LAPTM4A: variants seen among roughly 807,000 people sequenced by gnomAD.
LAPTM4A encodes the protein lysosomal protein transmembrane 4 alpha, also known as lysosomal-associated transmembrane protein 4A.
In LAPTM4A, 19 loss-of-function variants were observed where a neutral mutation model predicts 29.9. The observed-to-expected ratio is 0.64, with a 90% CI of 0.44 to 0.93. The LOEUF is 0.93. LAPTM4A is among the 40% of genes least tolerant of loss of function. The probability of loss-of-function intolerance (pLI) is 0.00; values close to 1 mark genes in which losing one functional copy is unlikely to be tolerated. For missense variants in LAPTM4A, 293 were observed against 288.5 expected (o/e 1.02, Z -0.11); for synonymous variants, 105 against 102.1 (o/e 1.03, Z -0.17).
At chr2:20,040,311 C>A (rs576683456) in intron 2 of LAPTM4A, among the ~76,000 whole-genome samples, 3 of 152,196 alleles carry the variant, frequency 2.0e-5, no homozygotes, top group African/African-American at 7.2e-5. Flanking sequence ...TAGTCCATTA[C>A]ATTTTCTGGC....
At position 20,051,617 on chromosome 2, in the gene LAPTM4A, C is replaced by G. The variant is rs949447948; in HGVS notation, c.-97G>C. On this transcript the variant is annotated 5_prime_UTR_variant, in exon 1 of 7. Transcript: ENST00000175091. ...CTGTTTCACGGCCTCCAAAACCCAA[C>G]GACGCGTCTTCAAACCCGCCCCCGG... 3 of 774,508 alleles carry G rather than the reference C, an allele frequency of 3.9e-6. No homozygotes were observed. Among genetic ancestry groups the G allele is most frequent in the Non-Finnish European group, 6.4e-6 (3 of 471,086 alleles). 48.0% of individuals were successfully genotyped at this position (774,508 alleles called of 1,614,324 possible).
intron 1 of LAPTM4A, among the ~76,000 whole-genome samples, chr2:20,050,864 T>G (rs1042818065): frequency 6.6e-6 from 1 of 152,194 alleles, no homozygotes; most frequent in Non-Finnish European, 1.5e-5. Context: ...ATTCTGGAGA[T>G]GCAAGAGAGG....
At chr2:20,043,710 ATATT>A (rs1421606841) in intron 1 of LAPTM4A, among the ~76,000 whole-genome samples, 1 of 152,200 alleles carries the variant, frequency 6.6e-6, no homozygotes, top group African/African-American at 2.4e-5. Flanking sequence ...GAATCAACCA[ATATT>A]TATTGAGGAT....
In LAPTM4A at chr2:20,035,041, C is replaced by T. The variant is rs774028205; in HGVS notation, c.454G>A (p.Asp152Asn). 6.2e-7 allele frequency: 1 copy of T among 1,612,178 alleles called. No homozygotes were observed. The highest frequency in any genetic ancestry group is 8.5e-7 in the Non-Finnish European group (1 of 1,178,762). Residue 152 changes from aspartate to asparagine, a missense_variant, in exon 5 of 7, where the codon GAC (aspartate) becomes AAC (asparagine). By Grantham distance (23) the Asp-to-Asn change is conservative. Coordinates refer to ENST00000175091, the MANE Select transcript of LAPTM4A (RefSeq NM_014713.5). The stretch of plus-strand genomic sequence containing the variant: ...CAGCTGGAGTCCAAGGCCAGGAGGT[C>T]ATCTTTGTAGGGAAAATCAGGCTAT... The part of the protein sequence containing the change: ...DQLPDFPYKD[D>N]LLALDSSCLL...
chr2:20,033,961 A>G (rs1002269802), intron 6 of LAPTM4A, among the ~76,000 whole-genome samples: 12 of 152,116 alleles, frequency 7.9e-5, no homozygotes, highest in Non-Finnish European at 1.3e-4. Flanking sequence ...GATCATATGG[A>G]TGTTTTCTGA....
chr2:20,050,203 G>C (rs1301313877), intron 1 of LAPTM4A, among the ~76,000 whole-genome samples: 1 of 152,196 alleles, frequency 6.6e-6, no homozygotes, highest in Admixed American at 6.5e-5. Flanking sequence ...AGGGCAGGTA[G>C]CAGTCATGTG....
At chr2:20,041,145 C>T (rs947070717) in intron 1 of LAPTM4A, 134 bp from the exon 2 acceptor site, 2 of 701,498 alleles carry the variant, frequency 2.9e-6, no homozygotes, top group African/African-American at 3.6e-5. Context: ...GGGAGACTAC[C>T]TGTGAGATAA....
intron 1 of LAPTM4A, among the ~76,000 whole-genome samples, chr2:20,041,300 G>C (rs1292694245): frequency 6.6e-6 from 1 of 152,152 alleles, no homozygotes; most frequent in East Asian, 1.9e-4. Flanking sequence ...AATGGTTCAT[G>C]TTCGAAGCTA....
chr2:20,048,872 C>T (rs1673994931), intron 1 of LAPTM4A, among the ~76,000 whole-genome samples: 1 of 152,172 alleles, frequency 6.6e-6, no homozygotes, highest in Non-Finnish European at 1.5e-5. Flanking sequence ...AAGTATTATA[C>T]TACAGTTTGG....
At chr2:20,039,904 G>A (rs989973742) in intron 2 of LAPTM4A, among the ~76,000 whole-genome samples, 2 of 151,916 alleles carry the variant, frequency 1.3e-5, no homozygotes, top group Admixed American at 6.6e-5. Context: ...AAATTAGCCG[G>A]GTGTGGTGGT....
At chr2:20,033,529 CT>C (rs1180296172) in intron 6 of LAPTM4A, among the ~76,000 whole-genome samples, 1 of 152,088 alleles carries the variant, frequency 6.6e-6, no homozygotes, top group Non-Finnish European at 1.5e-5. Context: ...ACAAGGATTC[CT>C]AGACAGGCAG....
At chr2:20,046,730 T>TAA (rs1268227363) in intron 1 of LAPTM4A, among the ~76,000 whole-genome samples, 7 of 135,474 alleles carry the variant, frequency 5.2e-5, no homozygotes, top group Non-Finnish European at 9.8e-5. Flanking sequence ...ATATTATATA[T>TAA]CTATATATAA....
intron 2 of LAPTM4A, among the ~76,000 whole-genome samples, chr2:20,039,691 AC>A (rs1219455656): frequency 2.6e-5 from 4 of 151,984 alleles, no homozygotes; most frequent in Non-Finnish European, 4.4e-5. Flanking sequence ...TCCAGTTGGG[AC>A]AACAAAGTAA....
In LAPTM4A at chr2:20,051,590, G is replaced by A. The variant is rs1328966556; in HGVS notation, c.-70C>T. 9.7e-7 allele frequency: 1 copy of A among 1,031,902 alleles called. No homozygotes were observed. The highest frequency in any genetic ancestry group is 2.2e-5 in the Admixed American group (1 of 44,830). The allele number at this position is 1,031,902 out of a possible 1,614,324, so 63.9% of individuals were successfully genotyped here. On this transcript the variant is annotated 5_prime_UTR_variant, in exon 1 of 7. Transcript: ENST00000175091. ...TCTCCACCCGCAGCCAAACTCAAAC[G>A]GCTGTTTCACGGCCTCCAAAACCCA...
chr2:20,046,726 T>C (rs1319583159), intron 1 of LAPTM4A, among the ~76,000 whole-genome samples: 5 of 146,156 alleles, frequency 3.4e-5, no homozygotes, highest in South Asian at 2.1e-4. Context: ...TTATATATTA[T>C]ATATCTATAT....
In LAPTM4A at chr2:20,033,113, C is replaced by A. The variant is rs1673599179; in HGVS notation, c.*92G>T. 9.7e-7 allele frequency: 1 copy of A among 1,026,562 alleles called. No individual in the cohort carries two copies. Among genetic ancestry groups the A allele is most frequent in the African/African-American group, 1.6e-5 (1 of 62,402 alleles). The allele number at this position is 1,026,562 out of a possible 1,614,324, so 63.6% of individuals were successfully genotyped here. On this transcript the variant is annotated 3_prime_UTR_variant, in exon 7 of 7. Coordinates refer to ENST00000175091, the MANE Select transcript of LAPTM4A (RefSeq NM_014713.5). The stretch of plus-strand genomic sequence containing the variant: ...AAACAAAAGACAACATATTTTATAT[C>A]AAACAAGTTTGAAGAGCCCTGAATT...
intron 5 of LAPTM4A, 112 bp downstream of exon 5, chr2:20,034,855 C>A: frequency 1.3e-6 from 1 of 749,922 alleles, no homozygotes. Flanking sequence ...AGAATAAACA[C>A]TGTCCCCACA....
chr2:20,040,908 G>A lies in LAPTM4A; in HGVS notation c.215C>T (p.Ser72Leu), dbSNP rs777063556. ...IQYEVIGNYY[S>L]SERMADNACV... ...ACACATACCAGCCATTCTCTCAGAC[G>A]AATAGTAATTACCGATGACTTCATA... The change falls in exon 2 of 7, where the codon TCG (serine) becomes TTG (leucine). Residue 72 changes from serine (S) to leucine (L), a missense_variant. By Grantham distance (145) the Ser-to-Leu change is moderately radical. Transcript: ENST00000175091. The A allele has an allele frequency of 7.4e-6, 12 of 1,613,412 alleles. No homozygotes were observed. The highest frequency in any genetic ancestry group is 4.5e-5 in the East Asian group (2 of 44,878).
intron 4 of LAPTM4A, 36 bp downstream of exon 4, chr2:20,037,280 G>GA (rs746042237): frequency 1.0e-3 from 1,510 of 1,464,332 alleles, no homozygotes; most frequent in Middle Eastern, 2.7e-3. Flanking sequence ...TACTCAAAAT[G>GA]AAAAAAAAAT....
Sources: allele counts gnomAD v4.1 joint callset (sites outside exome capture counted in the v4.1 genomes callset), GRCh38; gene constraint gnomAD v4.1.1; transcripts MANE v1.5; gene names NCBI Gene and HGNC (gene_info 2026-07-23, HGNC 2026-07-21).